The following COL22A1 variants were observed in gnomAD, a reference collection of about 807,000 sequenced individuals.
COL22A1 encodes collagen type XXII alpha 1 chain.
A neutral mutation model predicts 248.9 loss-of-function variants in COL22A1; 221 were observed. The observed-to-expected ratio is 0.89, with a 90% CI of 0.80 to 0.99. COL22A1 has a LOEUF of 0.99. COL22A1 is among the 50% of genes least tolerant of loss of function. The pLI is 0.00. For missense variants in COL22A1, 2,240 were observed against 2,179.0 expected (o/e 1.03, Z -0.56); for synonymous variants, 891 against 793.4 (o/e 1.12, Z -2.07).
At chr8:138,600,089 C>T (rs1173100961) in intron 60 of COL22A1, among the ~76,000 whole-genome samples, 2 of 152,252 alleles carry the variant, frequency 1.3e-5, no homozygotes, top group Non-Finnish European at 2.9e-5. Context: ...GGGCTCATCT[C>T]TCCCCACAGC....
At chr8:138,725,972 G>C (rs1183542958) in intron 23 of COL22A1, among the ~76,000 whole-genome samples, 1 of 152,176 alleles carries the variant, frequency 6.6e-6, no homozygotes, top group African/African-American at 2.4e-5. Context: ...ACTTGTGAAG[G>C]TTCCCCCGTG....
intron 2 of COL22A1, among the ~76,000 whole-genome samples, chr8:138,881,573 T>G (rs1808053611): frequency 6.6e-6 from 1 of 152,098 alleles, no homozygotes; most frequent in South Asian, 2.1e-4. Flanking sequence ...TAGTCCCAGC[T>G]ATGCAGGAGG....
At chr8:138,725,653 G>C (rs980195896) in intron 23 of COL22A1, among the ~76,000 whole-genome samples, 1 of 152,112 alleles carries the variant, frequency 6.6e-6, no homozygotes, top group Non-Finnish European at 1.5e-5. Context: ...TTCATATTTG[G>C]GTGATGGGCA....
chr8:138,845,278 G>A (rs56310782), intron 3 of COL22A1, among the ~76,000 whole-genome samples: 251 of 145,588 alleles, frequency 1.7e-3, no homozygotes, highest in African/African-American at 6.5e-3. Flanking sequence ...AGGCCAAGAC[G>A]GGGGGGGATC....
chr8:138,858,098 G>T (rs540409877), intron 3 of COL22A1, among the ~76,000 whole-genome samples: 2 of 152,274 alleles, frequency 1.3e-5, no homozygotes, highest in East Asian at 1.9e-4. Flanking sequence ...TTTAGGCTTC[G>T]TCCTTGCTGC....
intron 44 of COL22A1, among the ~76,000 whole-genome samples, chr8:138,659,772 C>T: frequency 6.6e-6 from 1 of 152,216 alleles, no homozygotes. Context: ...TCGGGCTGGA[C>T]TGAGGCCACA....
intron 16 of COL22A1, among the ~76,000 whole-genome samples, chr8:138,772,735 C>A (rs1490687053): frequency 6.6e-6 from 1 of 152,110 alleles, no homozygotes; most frequent in African/African-American, 2.4e-5. Flanking sequence ...GTGGCGCATG[C>A]CTGTAGTCCC....
At chr8:138,906,480 G>A (rs959345594) in intron 1 of COL22A1, among the ~76,000 whole-genome samples, 6 of 152,146 alleles carry the variant, frequency 3.9e-5, no homozygotes, top group Non-Finnish European at 7.3e-5. Flanking sequence ...GCACAGAGCA[G>A]TATCATGTAT....
At chr8:138,623,859 C>T (rs1820033258) in intron 51 of COL22A1, 74 bp from the exon 52 acceptor site, 1 of 1,340,778 alleles carries the variant, frequency 7.5e-7, no homozygotes, top group Non-Finnish European at 1.0e-6. Context: ...GCAGTTTCAG[C>T]ATGTCTTCCT....
chr8:138,824,509 G>A (rs1819422218), intron 6 of COL22A1, among the ~76,000 whole-genome samples: 1 of 152,178 alleles, frequency 6.6e-6, no homozygotes. Flanking sequence ...CAACTCCACA[G>A]AGTCTCTTCT....
intron 22 of COL22A1, among the ~76,000 whole-genome samples, chr8:138,740,956 T>C (rs887923223): frequency 1.3e-5 from 2 of 152,148 alleles, no homozygotes; most frequent in Non-Finnish European, 2.9e-5. Flanking sequence ...GTATCTTCCT[T>C]CAGGCCCTCC....
intron 7 of COL22A1, among the ~76,000 whole-genome samples, chr8:138,815,288 C>T (rs1468289901): frequency 1.3e-5 from 2 of 152,198 alleles, no homozygotes; most frequent in African/African-American, 4.8e-5. Context: ...GATAATTAGA[C>T]GTCTGTATGT....
At chr8:138,834,252 T>C (rs371253502) in intron 4 of COL22A1, among the ~76,000 whole-genome samples, 34 of 151,702 alleles carry the variant, frequency 2.2e-4, no homozygotes, top group African/African-American at 7.7e-4. Context: ...CCAGGGATAA[T>C]ATACTTCTCG....
intron 60 of COL22A1, among the ~76,000 whole-genome samples, chr8:138,601,778 G>A (rs915107465): frequency 3.3e-5 from 5 of 152,130 alleles, no homozygotes; most frequent in East Asian, 1.9e-4. Context: ...CCGTCTCGGC[G>A]GGCATTCGCA....
chr8:138,775,628 G>A (rs1814371529), intron 16 of COL22A1, among the ~76,000 whole-genome samples: 1 of 152,156 alleles, frequency 6.6e-6, no homozygotes, highest in Admixed American at 6.5e-5. Context: ...AGTCCTCTGA[G>A]GCAGCAACTG....
chr8:138,717,173 A>C (rs1586556362), intron 27 of COL22A1, among the ~76,000 whole-genome samples: 2 of 151,902 alleles, frequency 1.3e-5, no homozygotes, highest in Non-Finnish European at 2.9e-5. Flanking sequence ...TTTGAGACGG[A>C]GTCTCACTCA....
chr8:138,763,473 G>A (rs921819649), intron 16 of COL22A1, among the ~76,000 whole-genome samples: 5 of 152,254 alleles, frequency 3.3e-5, no homozygotes, highest in East Asian at 1.9e-4. Context: ...CAGTGCCATC[G>A]TCTTCCCCTA....
rs898695853 is a variant in COL22A1 at position 138,822,592 on chromosome 8, C to T, written c.970-1181G>A. The stretch of plus-strand genomic sequence containing the variant: ...TCTGCAAGGTTAGTCTTCATCTGCT[C>T]TAATATTCACGTGTTGCCCTTCCCT... On this transcript the variant is annotated intron_variant, in intron 6 of 64. Coordinates refer to ENST00000303045, the MANE Select transcript of COL22A1 (RefSeq NM_152888.3). Among the ~76,000 whole-genome samples, 18 of 152,288 alleles carry T rather than the reference C, an allele frequency of 1.2e-4. No homozygotes were observed. The East Asian group carries it at 3.3e-3, about 28-fold the overall frequency.
intron 40 of COL22A1, among the ~76,000 whole-genome samples, chr8:138,678,262 C>T (rs976261133): frequency 2.6e-5 from 4 of 152,126 alleles, no homozygotes; most frequent in South Asian, 2.1e-4. Flanking sequence ...ACAGACCTTG[C>T]GAAGTTCTCA....
Sources: gnomAD v4.1 joint callset for allele counts (sites outside exome capture counted in the v4.1 genomes callset) on GRCh38, gnomAD v4.1.1 for gene constraint, MANE v1.5 for transcripts, NCBI Gene and HGNC (gene_info 2026-07-23, HGNC 2026-07-21) for gene names.